ZBED4: variants seen among roughly 807,000 people sequenced by gnomAD.
The protein encoded by ZBED4 is zinc finger BED-type containing 4.
ZBED4 carries 4 observed loss-of-function variants against 15.5 expected under a neutral mutation model. The ratio of observed to expected loss-of-function variants is 0.26; its 90% confidence interval spans 0.13 to 0.59. The LOEUF is 0.59. Among genes scored for constraint, ZBED4 ranks in the 20% least tolerant of loss-of-function variants. ZBED4 has a pLI of 0.90. For missense variants in ZBED4, 1,323 were observed against 1,461.8 expected (o/e 0.91, Z 1.55); for synonymous variants, 692 against 608.5 (o/e 1.14, Z -2.02).
rs903874379 is a variant in ZBED4, at chr22:49,866,940, T to G, written c.-330+12951T>G. Among the ~76,000 whole-genome samples the G allele has an allele frequency of 9.2e-5, 14 of 152,308 alleles. 2 individuals carry two copies. Among genetic ancestry groups the G allele is most frequent in the Admixed American group, 2.0e-4 (3 of 15,284 alleles). On this transcript the variant is annotated intron_variant, in intron 1 of 1. Transcript: ENST00000216268. The stretch of plus-strand genomic sequence containing the variant: ...TGCGCCTTCAGGAGGTCACCTGCCT[T>G]CCTTGGCTTGCATTGGTTTGGTTTG...
chr22:49,886,644 T>A lies in ZBED4; in HGVS notation c.2982T>A (p.Ser994=). ...SLKEAMVSRL[S]ATLHDPRYVF... Reference sequence around the variant, plus strand: ...AGGAGGCCATGGTGAGCCGCCTGTCTGCCACCCTCCACGACCCGCGGTACG... The same window carrying A: ...AGGAGGCCATGGTGAGCCGCCTGTCAGCCACCCTCCACGACCCGCGGTACG... Residue 994 remains serine (S), a synonymous_variant, in exon 2 of 2, where the codon TCT becomes TCA. Coordinates refer to ENST00000216268, the MANE Select transcript of ZBED4 (RefSeq NM_014838.3). The surrounding 1 kb of genome is among the most constrained non-coding windows in gnomAD (Gnocchi z 7.7). 1 of 1,597,654 alleles carries A rather than the reference T, an allele frequency of 6.3e-7. No individual in the cohort carries two copies. The highest frequency in any genetic ancestry group is 8.5e-7 in the Non-Finnish European group (1 of 1,172,454).
chr22:49,858,002 T>A (rs1445566918), intron 1 of ZBED4, among the ~76,000 whole-genome samples: 1 of 152,070 alleles, frequency 6.6e-6, no homozygotes, highest in Non-Finnish European at 1.5e-5. Context: ...GATCTCGTGA[T>A]CCGTCCACCT....
intron 1 of ZBED4, among the ~76,000 whole-genome samples, chr22:49,872,436 C>T (rs189284430): frequency 4.6e-4 from 70 of 152,328 alleles, no homozygotes; most frequent in African/African-American, 1.7e-3. Flanking sequence ...AGTCTGAGCC[C>T]CTCAGAGTCA....
At chr22:49,865,092 G>A (rs546062101) in intron 1 of ZBED4, among the ~76,000 whole-genome samples, 2 of 152,154 alleles carry the variant, frequency 1.3e-5, no homozygotes, top group South Asian at 4.2e-4. Flanking sequence ...GCGTTACTCA[G>A]CGATGTTGTC....
intron 1 of ZBED4, among the ~76,000 whole-genome samples, chr22:49,867,641 C>T (rs553999668): frequency 6.6e-6 from 1 of 152,196 alleles, no homozygotes; most frequent in African/African-American, 2.4e-5. Context: ...GTGGGCCGTC[C>T]AGTGATACCT....
At chr22:49,860,621 GAC>G (rs72031236) in intron 1 of ZBED4, among the ~76,000 whole-genome samples, 7,304 of 152,104 alleles carry the variant, frequency 0.048, 405 homozygotes, top group African/African-American at 0.14. Flanking sequence ...AAAGAAATAA[GAC>G]AAATATTATT....
chr22:49,880,801 G>T (rs1481367339), intron 1 of ZBED4, among the ~76,000 whole-genome samples: 3 of 152,126 alleles, frequency 2.0e-5, no homozygotes, highest in Non-Finnish European at 4.4e-5. Context: ...GGATCATATT[G>T]AATTTATAGG....
In ZBED4 at chr22:49,883,792, A is replaced by G; in HGVS notation, c.130A>G (p.Ser44Gly). ...PDSLERMDFKSEQEDMKQTDS... is the reference protein window; with the variant it reads ...PDSLERMDFKGEQEDMKQTDS... ...TAGTTTGGAAAGAATGGACTTTAAA[A>G]GCGAGCAGGAGGACATGAAGCAGAC... The change falls in exon 2 of 2, where the codon AGC becomes GGC. Residue 44 changes from serine to glycine, a missense_variant. This residue lies in a region of ZBED4 where 380 missense variants were observed against 413.7 expected (regional missense o/e 0.92). Transcript: ENST00000216268. The G allele has an allele frequency of 1.2e-6, 2 of 1,613,542 alleles. No individual in the cohort carries two copies. Among genetic ancestry groups the G allele is most frequent in the Non-Finnish European group, 1.7e-6 (2 of 1,179,442 alleles).
intron 1 of ZBED4, among the ~76,000 whole-genome samples, chr22:49,866,122 T>C (rs971288445): frequency 5.8e-5 from 5 of 85,700 alleles, no homozygotes; most frequent in African/African-American, 1.6e-4. Context: ...GTACTTTGCC[T>C]GAGAGCCCAA....
At chr22:49,862,654 G>A (rs2060302350) in intron 1 of ZBED4, among the ~76,000 whole-genome samples, 2 of 133,684 alleles carry the variant, frequency 1.5e-5, no homozygotes, top group Middle Eastern at 4.1e-3. Flanking sequence ...TTGTTGTTTT[G>A]ACTGAACTGA....
intron 1 of ZBED4, among the ~76,000 whole-genome samples, chr22:49,856,625 ACTGG>A (rs1569155580): frequency 6.6e-6 from 1 of 151,500 alleles, no homozygotes; most frequent in Non-Finnish European, 1.5e-5. Context: ...AATGACCCAC[ACTGG>A]AATCCCGGCC....
intron 1 of ZBED4, among the ~76,000 whole-genome samples, chr22:49,856,832 G>A (rs9628155): frequency 1.3e-5 from 2 of 150,412 alleles, no homozygotes; most frequent in African/African-American, 4.9e-5. Context: ...AATCCCGGCC[G>A]GCTTCCCACC....
Position 49,886,801 on chromosome 22 carries a change from C to T in ZBED4, c.3139C>T (p.His1047Tyr). ...TACCTCAGAGGACGTGGCTGCCTCC[C>T]ACAGGTGTGATGCTGGCTCCCCGTC... is the stretch of plus-strand genomic sequence containing the variant. ...NSTSEDVAAS[H>Y]RCDAGSPSKD... is the part of the protein sequence containing the mutation. The change falls in exon 2 of 2, where the codon CAC (histidine) becomes TAC (tyrosine). Residue 1047 changes from histidine (H) to tyrosine (Y), a missense_variant. Coordinates refer to ENST00000216268, the MANE Select transcript of ZBED4 (RefSeq NM_014838.3). This position sits in a 1 kb window ranked among gnomAD's most constrained non-coding sequence, Gnocchi z 7.7. 1 of 1,613,078 alleles carries T rather than the reference C, an allele frequency of 6.2e-7. No individual in the cohort carries two copies.
At position 49,889,242 on chromosome 22, in the gene ZBED4, C is replaced by G. The variant is rs1452680713; in HGVS notation, c.*2064C>G. 1 of 167,068 alleles carries G rather than the reference C, an allele frequency of 6.0e-6. No homozygotes were observed. The highest frequency in any genetic ancestry group is 1.9e-4 in the East Asian group (1 of 5,208). The allele number at this position is 167,068 out of a possible 1,614,324, so 10.3% of individuals were successfully genotyped here. On this transcript the variant is annotated 3_prime_UTR_variant, in exon 2 of 2. Transcript: ENST00000216268. ...CTGCAACCACAGACCCAGTCCGGCA[C>G]TCTGCCCATTTTTCTAAGTGAAATT...
chr22:49,883,584 C>T lies in ZBED4; in HGVS notation c.-79C>T, dbSNP rs969527510. 1.7e-5 allele frequency: 24 copies of T among 1,432,046 alleles called. No homozygotes were observed. Among genetic ancestry groups the T allele is most frequent in the Middle Eastern group, 2.3e-4 (1 of 4,436 alleles). The allele number at this position is 1,432,046 out of a possible 1,614,324, so 88.7% of individuals were successfully genotyped here. A position where few individuals can be genotyped will look rare whatever the true frequency, so the allele number is the denominator to read the frequency against. Reference sequence around the variant, plus strand: ...ATTATGACGAAAAAGTGAAGATAATCTACATTCGGGGGCACAAATGAGCAC... The same window carrying T: ...ATTATGACGAAAAAGTGAAGATAATTTACATTCGGGGGCACAAATGAGCAC... On this transcript the variant is annotated 5_prime_UTR_variant, in exon 2 of 2. Transcript: ENST00000216268.
At position 49,884,043 on chromosome 22, in the gene ZBED4, T is replaced by C; in HGVS notation, c.381T>C (p.Ser127=). 2 of 1,602,160 alleles carry C rather than the reference T, an allele frequency of 1.2e-6. No homozygotes were observed. Residue 127 remains serine, a synonymous_variant, in exon 2 of 2, where the codon TCT becomes TCC. Transcript: ENST00000216268. ...KSPAWKHFFI[S]PRDSTKAICM... ...CAGCCTGGAAGCATTTTTTTATCTC[T>C]CCCCGAGACAGCACTAAAGCAATAT...
chr22:49,878,283 CAGAGTG>C (rs1388236691), intron 1 of ZBED4, among the ~76,000 whole-genome samples: 5 of 125,474 alleles, frequency 4.0e-5, no homozygotes, highest in Non-Finnish European at 8.0e-5. Flanking sequence ...ACCTGGGTGA[CAGAGTG>C]AGACACTGTC....
In ZBED4 at chr22:49,883,769, G is replaced by T. The variant is rs777514536; in HGVS notation, c.107G>T (p.Ser36Ile). 10 of 1,613,282 alleles carry T rather than the reference G, an allele frequency of 6.2e-6. No individual in the cohort carries two copies. In the South Asian group the frequency reaches 1.1e-4, roughly 18 times the overall value. Residue 36 changes from serine (S) to isoleucine (I), a missense_variant, in exon 2 of 2, where the codon AGT becomes ATT. By Grantham distance (142) the Ser-to-Ile change is moderately radical. This residue lies in a region of ZBED4 where 380 missense variants were observed against 413.7 expected (regional missense o/e 0.92). Transcript: ENST00000216268. ...GATGATGATGGAATTCCTCCTGATA[G>T]TTTGGAAAGAATGGACTTTAAAAGC... ...EEDDDGIPPD[S>I]LERMDFKSEQ... is the part of the protein sequence containing the mutation.
chr22:49,871,758 T>TTA (rs1569160126), intron 1 of ZBED4, among the ~76,000 whole-genome samples: 1 of 119,772 alleles, frequency 8.3e-6, no homozygotes, highest in East Asian at 2.2e-4. Flanking sequence ...TATTTATTTA[T>TTA]TTTTTTTTTT....
Sources: allele counts gnomAD v4.1 joint callset (sites outside exome capture counted in the v4.1 genomes callset), GRCh38; gene constraint gnomAD v4.1.1; regional missense constraint gnomAD v4.1.1; non-coding constraint Gnocchi (gnomAD v3.1); transcripts MANE v1.5; gene names NCBI Gene and HGNC (gene_info 2026-07-23, HGNC 2026-07-21).